The following MCF2L variants were observed in gnomAD, a reference collection of about 807,000 sequenced individuals.
The protein encoded by MCF2L is guanine nucleotide exchange factor DBS.
A neutral mutation model predicts 153.4 loss-of-function variants in MCF2L; 97 were observed. The ratio of observed to expected loss-of-function variants is 0.63; its 90% CI spans 0.54 to 0.75. The LOEUF is 0.75. Ranked by LOEUF, MCF2L falls within the 30% of genes least tolerant of loss-of-function variation. MCF2L has a pLI of 0.00. For missense variants in MCF2L, 1,347 were observed against 1,495.2 expected (o/e 0.90, Z 1.64); for synonymous variants, 659 against 632.2 (o/e 1.04, Z -0.64).
chr13:112,905,256 C>T (rs1052551043), intron 2 of MCF2L, among the ~76,000 whole-genome samples: 1 of 152,194 alleles, frequency 6.6e-6, no homozygotes, highest in Non-Finnish European at 1.5e-5. Flanking sequence ...GCAGCCAGTC[C>T]CTGCTACTGT....
At chr13:113,051,708 C>G (rs1302275351) in intron 4 of MCF2L, among the ~76,000 whole-genome samples, 1 of 152,290 alleles carries the variant, frequency 6.6e-6, no homozygotes, top group East Asian at 1.9e-4. Flanking sequence ...GGGCACTTTA[C>G]AACGAAAAAG....
intron 2 of MCF2L, among the ~76,000 whole-genome samples, chr13:112,953,788 A>G (rs918260445): frequency 6.6e-6 from 1 of 152,192 alleles, no homozygotes; most frequent in Non-Finnish European, 1.5e-5. Context: ...GACCCCAGCC[A>G]GACCCCAGCC....
rs2081182907 is a variant in MCF2L at position 112,907,336 on chromosome 13, T to C, written c.169+4965T>C. On this transcript the variant is annotated intron_variant, in intron 2 of 29. Coordinates refer to the MCF2L transcript ENST00000375608. This position sits in a 1 kb window ranked among gnomAD's most constrained non-coding sequence, Gnocchi z 5.1. ...GGGGAAAATGACCACAAGAAACAGA[T>C]ACTTGGAAGGAAATTGGCTTTTTGG... Among the ~76,000 whole-genome samples, 2 of 152,210 alleles carry C rather than the reference T, an allele frequency of 1.3e-5. No homozygotes were observed. Among genetic ancestry groups the C allele is most frequent in the Non-Finnish European group, 2.9e-5 (2 of 68,032 alleles).
At chr13:112,901,601 C>T (rs1374836295) in intron 1 of MCF2L, among the ~76,000 whole-genome samples, 1 of 152,200 alleles carries the variant, frequency 6.6e-6, no homozygotes, top group African/African-American at 2.4e-5. Context: ...GAAGGGCTGC[C>T]GGCAAGTGAC....
chr13:112,909,603 AT>A (rs2081209963), intron 2 of MCF2L: 1 of 353,418 alleles, frequency 2.8e-6, no homozygotes. Context: ...TCTTTGAAGG[AT>A]CTGATGGAAA....
intron 26 of MCF2L, chr13:113,093,673 C>G (rs1464771693): frequency 6.6e-6 from 1 of 152,346 alleles, no homozygotes; most frequent in African/African-American, 2.4e-5. Flanking sequence ...AAGCTCAAAT[C>G]TCGTTAGCAT....
intron 2 of MCF2L, among the ~76,000 whole-genome samples, chr13:112,938,861 G>A (rs2081548128): frequency 6.6e-6 from 1 of 152,048 alleles, no homozygotes; most frequent in African/African-American, 2.4e-5. Flanking sequence ...AACAGGGCCA[G>A]CGCAGGGGGT....
In MCF2L at chr13:113,045,201, C is replaced by G. The variant is rs2086733502; in HGVS notation, c.279-70C>G. 1.6e-6 allele frequency: 2 copies of G among 1,257,760 alleles called. No individual in the cohort carries two copies. The highest frequency in any genetic ancestry group is 3.4e-5 in the Admixed American group (2 of 59,484). The allele number at this position is 1,257,760 out of a possible 1,614,324, so 77.9% of individuals were successfully genotyped here. ...GGGGATCGCTCTCCCAAGAGGTTTT[C>G]TGAGGGATTTCGTGGGCAGCCGGCT... On this transcript the variant is annotated intron_variant, in intron 3 of 29. Transcript: ENST00000535094. The surrounding 1 kb of genome is among the most constrained non-coding windows in gnomAD (Gnocchi z 4.2).
At chr13:113,063,782 C>T (rs1392556029) in intron 5 of MCF2L, 3 of 445,070 alleles carry the variant, frequency 6.7e-6, no homozygotes, top group Non-Finnish European at 9.1e-6. Flanking sequence ...GTTCAGCACA[C>T]GGCACTGAAA....
chr13:113,049,507 G>A (rs1477154784), intron 4 of MCF2L, among the ~76,000 whole-genome samples: 1 of 152,230 alleles, frequency 6.6e-6, no homozygotes, highest in Non-Finnish European at 1.5e-5. Flanking sequence ...GCTGCAGCGG[G>A]GCACCTGGAC....
intron 3 of MCF2L, chr13:113,042,992 G>A (rs755089247): frequency 5.9e-5 from 9 of 152,232 alleles, no homozygotes; most frequent in Admixed American, 4.6e-4. Flanking sequence ...AAACAGTGAC[G>A]CCGCTCAGGC....
rs1179357822 is a variant in MCF2L at position 113,053,409 on chromosome 13, A to G, written c.370-7184A>G. 6.6e-6 allele frequency among the ~76,000 whole-genome samples: 1 copy of G among 152,156 alleles called. No homozygotes were observed. The highest frequency in any genetic ancestry group is 1.5e-5 in the Non-Finnish European group (1 of 68,044). Reference sequence around the variant, plus strand: ...TATCCTTTCATCTGGTTTCCTTGTAATTAGGTTCCACGTGGTCCTTTGGGG... The same window carrying G: ...TATCCTTTCATCTGGTTTCCTTGTAGTTAGGTTCCACGTGGTCCTTTGGGG... On this transcript the variant is annotated intron_variant, in intron 4 of 29. Coordinates refer to ENST00000535094, the MANE Select transcript of MCF2L (RefSeq NM_001112732.3). This position sits in a 1 kb window ranked among gnomAD's most constrained non-coding sequence, Gnocchi z 4.4.
intron 8 of MCF2L, 72 bp downstream of exon 8, chr13:113,066,242 C>G: frequency 6.8e-7 from 1 of 1,479,508 alleles, no homozygotes. Flanking sequence ...CACACAGCTT[C>G]TGCAAAAGAA....
In MCF2L at chr13:112,907,921, A is replaced by G. The variant is rs2081188881; in HGVS notation, c.169+5550A>G. ...GTCTCGAGTGAGACGGCCTCTGAAG[A>G]TGAACATGTTGTTTGTGGAAATGGT... On this transcript the variant is annotated intron_variant, in intron 2 of 29. Transcript: ENST00000375608. This position sits in a 1 kb window ranked among gnomAD's most constrained non-coding sequence, Gnocchi z 5.1. 2.0e-5 allele frequency among the ~76,000 whole-genome samples: 3 copies of G among 152,188 alleles called. No homozygotes were observed. The highest frequency in any genetic ancestry group is 2.0e-4 in the Admixed American group (3 of 15,278).
intron 2 of MCF2L, among the ~76,000 whole-genome samples, chr13:112,920,942 C>T (rs1020685318): frequency 4.6e-5 from 7 of 151,356 alleles, no homozygotes; most frequent in African/African-American, 1.5e-4. Context: ...CCGAGGCAGG[C>T]GGATCACGAG....
At chr13:113,044,531 T>C in intron 3 of MCF2L, 3 of 1,178,358 alleles carry the variant, frequency 2.5e-6, no homozygotes, top group Non-Finnish European at 3.6e-6. Flanking sequence ...GCCTTAGGCA[T>C]GCCCGTGTGG....
chr13:113,026,387 G>A (rs1018701781), intron 3 of MCF2L, among the ~76,000 whole-genome samples: 1 of 152,196 alleles, frequency 6.6e-6, no homozygotes, highest in Admixed American at 6.5e-5. Context: ...TCATGGTTCC[G>A]AGGAGCTCAG....
intron 27 of MCF2L, chr13:113,096,142 G>T (rs1331374439): frequency 8.5e-6 from 5 of 591,040 alleles, no homozygotes. Context: ...TGAGGGGCTG[G>T]GGCAGCTGGG....
intron 1 of MCF2L, among the ~76,000 whole-genome samples, chr13:112,977,931 G>A (rs1199706432): frequency 3.3e-5 from 5 of 152,278 alleles, no homozygotes; most frequent in African/African-American, 4.8e-5. Context: ...AAAATTAGCC[G>A]GGTGTGGTGG....
Sources: gnomAD v4.1 joint callset for allele counts (sites outside exome capture counted in the v4.1 genomes callset) on GRCh38, gnomAD v4.1.1 for gene constraint, Gnocchi (gnomAD v3.1) non-coding constraint, MANE v1.5 for transcripts, NCBI Gene and HGNC (gene_info 2026-07-23, HGNC 2026-07-21) for gene names.